Variants in SCD5 observed in about 807,000 individuals in gnomAD.
SCD5 encodes the protein acyl-CoA-desaturase 4.
In SCD5, 20 loss-of-function variants were observed where a neutral mutation model predicts 30.4. The ratio of observed to expected loss-of-function variants is 0.66; its 90% CI spans 0.46 to 0.96. The LOEUF is 0.96. Ranked by LOEUF, SCD5 falls within the 40% of genes least tolerant of loss-of-function variation. The pLI is 0.00. For synonymous variants in SCD5, 173 were observed against 176.4 expected (o/e 0.98, Z 0.16); for missense variants, 381 against 443.3 (o/e 0.86, Z 1.26).
intron 3 of SCD5, chr4:82,660,427 C>T: frequency 2.4e-6 from 2 of 824,494 alleles, no homozygotes; most frequent in Non-Finnish European, 2.9e-6. Context: ...CTCTTAATCA[C>T]TTTTGACTTA....
chr4:82,694,339 G>C (rs543539444), intron 2 of SCD5, among the ~76,000 whole-genome samples: 1 of 152,196 alleles, frequency 6.6e-6, no homozygotes, highest in Non-Finnish European at 1.5e-5. Flanking sequence ...GGGCGGAGGG[G>C]CCACTTCCCA....
At chr4:82,713,913 A>G (rs1720164237) in intron 1 of SCD5, among the ~76,000 whole-genome samples, 1 of 152,198 alleles carries the variant, frequency 6.6e-6, no homozygotes, top group African/African-American at 2.4e-5. Flanking sequence ...TAAGAATATC[A>G]GAACTTCCCC....
chr4:82,750,742 G>A (rs1385190097), intron 1 of SCD5, among the ~76,000 whole-genome samples: 1 of 152,216 alleles, frequency 6.6e-6, no homozygotes, highest in Non-Finnish European at 1.5e-5. Flanking sequence ...GGTCTGCTAG[G>A]TGGACAGGTA....
intron 1 of SCD5, among the ~76,000 whole-genome samples, chr4:82,707,873 G>A (rs1720000581): frequency 6.6e-6 from 1 of 152,208 alleles, no homozygotes; most frequent in East Asian, 1.9e-4. Flanking sequence ...GCTGTACCTG[G>A]ACTCCTGTCC....
rs1265729063 is a variant in SCD5 at position 82,631,201 on chromosome 4, ACCACATTGACTCGTTCCTTCC to A, written c.*105_*125del. On this transcript the variant is annotated 3_prime_UTR_variant, in exon 5 of 5. Transcript: ENST00000319540. Reference sequence around the variant, plus strand: ...TTGAGATAAACAAAAACATTCCCAAACCACATTGACTCGTTCCTTCCCCACCCTCTGCCCCCTCCCACGATC... The same window carrying A: ...TTGAGATAAACAAAAACATTCCCAAACCACCCTCTGCCCCCTCCCACGATC... 7.4e-6 allele frequency: 5 copies of A among 678,750 alleles called. No homozygotes were observed. The African/African-American group carries it at 9.2e-5, about 12-fold the overall frequency. 42.0% of individuals were successfully genotyped at this position (678,750 alleles called of 1,614,324 possible).
At chr4:82,658,078 AC>A (rs1727902810) in intron 3 of SCD5, among the ~76,000 whole-genome samples, 1 of 152,078 alleles carries the variant, frequency 6.6e-6, no homozygotes, top group South Asian at 2.1e-4. Flanking sequence ...CTATTTGAAT[AC>A]CCTTTATTTC....
intron 1 of SCD5, among the ~76,000 whole-genome samples, chr4:82,795,379 T>C (rs182109046): frequency 6.6e-6 from 1 of 152,292 alleles, no homozygotes; most frequent in Admixed American, 6.5e-5. Context: ...AAAAGGGCCT[T>C]CAGTGGGGGG....
At chr4:82,719,755 G>A (rs1377958145) in intron 1 of SCD5, among the ~76,000 whole-genome samples, 1 of 150,798 alleles carries the variant, frequency 6.6e-6, no homozygotes, top group East Asian at 2.0e-4. Flanking sequence ...CACCCGCCTC[G>A]GCCTCCCAAA....
At chr4:82,667,269 TAC>T (rs71666755) in intron 3 of SCD5, among the ~76,000 whole-genome samples, 64 of 151,044 alleles carry the variant, frequency 4.2e-4, no homozygotes, top group African/African-American at 1.4e-3. Flanking sequence ...TGTATTTTTA[TAC>T]ACACACACAC....
chr4:82,683,018 G>A (rs934437600), intron 2 of SCD5, among the ~76,000 whole-genome samples: 14 of 152,258 alleles, frequency 9.2e-5, no homozygotes, highest in Non-Finnish European at 1.3e-4. Flanking sequence ...ATTTCACCAC[G>A]TTGGCCAGGC....
At chr4:82,743,185 C>T (rs1211282797) in intron 1 of SCD5, among the ~76,000 whole-genome samples, 1 of 152,092 alleles carries the variant, frequency 6.6e-6, no homozygotes, top group African/African-American at 2.4e-5. Flanking sequence ...GAGCTTGTAA[C>T]TTAGAGTGAC....
rs142008508 is a variant in SCD5, at chr4:82,698,695, C to T, written c.363+6588G>A. 2.9e-3 allele frequency among the ~76,000 whole-genome samples: 436 copies of T among 152,296 alleles called. 4 individuals carry two copies. Among genetic ancestry groups the T allele is most frequent in the African/African-American group, 1.0e-2 (414 of 41,556 alleles). On this transcript the variant is annotated intron_variant, in intron 2 of 4. Transcript: ENST00000319540. ...GCTCCTTGGACACAGCATCCTCATTCCTGGTTTTGCTTTGACTCCTCCCTC... is the reference window on the plus strand; with the variant it reads ...GCTCCTTGGACACAGCATCCTCATTTCTGGTTTTGCTTTGACTCCTCCCTC...
At chr4:82,798,080 T>TGGGGCGGGGGGGGGGGGG (rs1436762424) in intron 1 of SCD5, among the ~76,000 whole-genome samples, 1 of 25,814 alleles carries the variant, frequency 3.9e-5, no homozygotes. Flanking sequence ...CGCGGCGGGG[T>TGGGGCGGGGGGGGGGGGG]GGGGGCGGGG....
intron 3 of SCD5, among the ~76,000 whole-genome samples, chr4:82,638,848 G>A (rs74906329): frequency 0.038 from 5,750 of 152,298 alleles, 145 homozygotes; most frequent in South Asian, 0.092. Context: ...CCATATGCCA[G>A]GGCAGTTCTG....
intron 3 of SCD5, among the ~76,000 whole-genome samples, chr4:82,649,841 C>T (rs1727709143): frequency 6.6e-6 from 1 of 152,176 alleles, no homozygotes; most frequent in Non-Finnish European, 1.5e-5. Context: ...AGTTCTCTCC[C>T]TGTATCTTTG....
chr4:82,745,865 C>T (rs115671082), intron 1 of SCD5, among the ~76,000 whole-genome samples: 1,929 of 152,204 alleles, frequency 0.013, 43 homozygotes, highest in African/African-American at 0.042. Context: ...ACACTAAATG[C>T]GGGCTAAGTA....
chr4:82,712,822 C>A (rs1477215646), intron 1 of SCD5, among the ~76,000 whole-genome samples: 1 of 152,186 alleles, frequency 6.6e-6, no homozygotes, highest in Admixed American at 6.5e-5. Context: ...TGGAATAGCA[C>A]CACAAAGAAC....
intron 2 of SCD5, among the ~76,000 whole-genome samples, chr4:82,695,333 A>C (rs1719676350): frequency 6.6e-6 from 1 of 152,152 alleles, no homozygotes; most frequent in South Asian, 2.1e-4. Context: ...AGGGGCAAGC[A>C]TTGAATCAGA....
intron 1 of SCD5, among the ~76,000 whole-genome samples, chr4:82,713,966 G>A (rs1720165304): frequency 6.6e-6 from 1 of 152,070 alleles, no homozygotes; most frequent in Admixed American, 6.6e-5. Flanking sequence ...CTGAGCCTGG[G>A]TACTCTATGA....
Sources: allele counts gnomAD v4.1 joint callset (sites outside exome capture counted in the v4.1 genomes callset), GRCh38; gene constraint gnomAD v4.1.1; transcripts MANE v1.5; gene names NCBI Gene and HGNC (gene_info 2026-07-23, HGNC 2026-07-21).